Variants in HS6ST2 observed in about 807,000 individuals in gnomAD.
HS6ST2 encodes the protein heparan-sulfate 6-O-sulfotransferase 2.
A neutral mutation model predicts 33.0 loss-of-function variants in HS6ST2; 17 were observed. The ratio of observed to expected loss-of-function variants is 0.52; its 90% CI spans 0.35 to 0.77. The LOEUF (loss-of-function observed/expected upper bound fraction) is 0.77. HS6ST2 is among the 30% of genes least tolerant of loss of function. HS6ST2 has a pLI of 0.01. For synonymous variants in HS6ST2, 248 were observed against 237.1 expected, an observed-to-expected ratio of 1.05 and a Z score of -0.42; for missense variants, 519 against 551.7, an observed-to-expected ratio of 0.94 and a Z score of 0.59.
intron 2 of HS6ST2, among the ~76,000 whole-genome samples, chrX:132,831,624 G>A (rs1002101770): frequency 8.9e-6 from 1 of 111,779 alleles, no homozygotes; most frequent in African/African-American, 3.3e-5. Flanking sequence ...GTACCCGACA[G>A]CTGTACTTAA....
At chrX:132,703,352 G>T (rs1462174791) in intron 3 of HS6ST2, among the ~76,000 whole-genome samples, 1 of 113,071 alleles carries the variant, frequency 8.8e-6, no homozygotes, top group Non-Finnish European at 1.9e-5. Flanking sequence ...AATTTCTGAA[G>T]GGGAGAATGG....
chrX:132,904,439 G>T (rs1454234456), intron 2 of HS6ST2, among the ~76,000 whole-genome samples: 1 of 111,273 alleles, frequency 9.0e-6, no homozygotes, highest in Non-Finnish European at 1.9e-5. Flanking sequence ...CAGTTATGAG[G>T]TCATTCCTGG....
rs981849256 is a variant in HS6ST2 at position 132,832,452 on chromosome X, T to C, written c.948-123958A>G. Among the ~76,000 whole-genome samples the C allele has an allele frequency of 8.9e-5, 10 of 112,020 alleles. No individual in the cohort carries two copies. The Admixed American group carries it at 9.5e-4, about 11-fold the overall frequency. On this transcript the variant is annotated intron_variant, in intron 2 of 4. Transcript: ENST00000370833. ...AAAATATTAATGAAAAGGTTAAGTA[T>C]TGATATTTAATCCAGAGTACACGGG...
intron 2 of HS6ST2, among the ~76,000 whole-genome samples, chrX:132,741,965 C>T (rs190915056): frequency 1.8e-5 from 2 of 112,134 alleles, no homozygotes; most frequent in East Asian, 2.8e-4. Context: ...GTACACAAAG[C>T]ATACAGCACA....
intron 2 of HS6ST2, among the ~76,000 whole-genome samples, chrX:132,820,710 T>C (rs1277794033): frequency 9.0e-6 from 1 of 111,082 alleles, no homozygotes; most frequent in Non-Finnish European, 1.9e-5. Flanking sequence ...TGGTAATTTA[T>C]AGGAATATTT....
At chrX:132,805,101 A>T (rs769068412) in intron 2 of HS6ST2, among the ~76,000 whole-genome samples, 6 of 111,242 alleles carry the variant, frequency 5.4e-5, no homozygotes, top group Non-Finnish European at 1.1e-4. Context: ...AGCCAGGACC[A>T]GCCCTGCAAA....
rs1017092443 is a variant in HS6ST2 at position 132,932,058 on chromosome X, C to T, written c.947+24750G>A. Among the ~76,000 whole-genome samples the T allele has an allele frequency of 1.7e-4, 19 of 109,070 alleles. No individual in the cohort carries two copies. The East Asian group carries it at 3.8e-3, about 22-fold the overall frequency. 94.7% of individuals were successfully genotyped at this position (109,070 alleles called of 115,157 possible). ...AAAATTAGCCGGGCGTGGTGGTGGG[C>T]GCCTGTAGTCCCAGCTACTCAGGAG... On this transcript the variant is annotated intron_variant, in intron 2 of 4. Coordinates refer to ENST00000370833, the MANE Select transcript of HS6ST2 (RefSeq NM_001394073.1).
intron 2 of HS6ST2, among the ~76,000 whole-genome samples, chrX:132,913,879 T>C (rs1365119466): frequency 1.8e-5 from 2 of 111,745 alleles, no homozygotes; most frequent in African/African-American, 3.2e-5. Flanking sequence ...TGATTTGGGA[T>C]TGGGGAATAT....
At chrX:132,806,821 A>G (rs1569493149) in intron 2 of HS6ST2, among the ~76,000 whole-genome samples, 1 of 109,951 alleles carries the variant, frequency 9.1e-6, no homozygotes. Flanking sequence ...CTAGAGGAAA[A>G]CTGTGTAGCA....
intron 2 of HS6ST2, among the ~76,000 whole-genome samples, chrX:132,871,708 T>G (rs781527738): frequency 9.4e-6 from 1 of 106,739 alleles, no homozygotes; most frequent in South Asian, 4.4e-4. Flanking sequence ...ATATTCTCAC[T>G]CATAAATGGG....
chrX:132,702,142 A>C (rs1275891110), intron 3 of HS6ST2, among the ~76,000 whole-genome samples: 2 of 112,466 alleles, frequency 1.8e-5, no homozygotes, highest in Non-Finnish European at 3.8e-5. Flanking sequence ...CATATTGAAA[A>C]GAGATTTTGG....
chrX:132,877,817 T>C (rs1423058896), intron 2 of HS6ST2, among the ~76,000 whole-genome samples: 1 of 110,448 alleles, frequency 9.1e-6, no homozygotes. Context: ...AGAGAGCAGA[T>C]GATGAAGCCC....
At chrX:132,635,547 T>C (rs778615810) in intron 4 of HS6ST2, among the ~76,000 whole-genome samples, 1 of 111,729 alleles carries the variant, frequency 9.0e-6, no homozygotes, top group Non-Finnish European at 1.9e-5. Context: ...CCTTCTCAAG[T>C]GAGCTCCCTC....
At chrX:132,757,445 ACT>A (rs1257172191) in intron 2 of HS6ST2, among the ~76,000 whole-genome samples, 1 of 111,248 alleles carries the variant, frequency 9.0e-6, no homozygotes, top group Non-Finnish European at 1.9e-5. Context: ...CTCTCTGGCC[ACT>A]CTCTGCCAGG....
intron 2 of HS6ST2, among the ~76,000 whole-genome samples, chrX:132,807,884 G>T (rs967157433): frequency 1.8e-5 from 2 of 112,039 alleles, no homozygotes; most frequent in Admixed American, 1.9e-4. Context: ...CCTCCAGAAG[G>T]CTGGGAGAAA....
chrX:132,898,749 G>A (rs758835491), intron 2 of HS6ST2, among the ~76,000 whole-genome samples: 1 of 110,401 alleles, frequency 9.1e-6, no homozygotes, highest in Non-Finnish European at 1.9e-5. Context: ...TCAGGGAAGA[G>A]GGAGGCCAAA....
chrX:132,903,145 G>A (rs183397564), intron 2 of HS6ST2, among the ~76,000 whole-genome samples: 90 of 111,824 alleles, frequency 8.0e-4, no homozygotes, highest in Non-Finnish European at 1.3e-3. Context: ...TATCTATATA[G>A]TAGCAATGGA....
chrX:132,745,503 G>A (rs768488295), intron 2 of HS6ST2, among the ~76,000 whole-genome samples: 2 of 112,272 alleles, frequency 1.8e-5, no homozygotes, highest in East Asian at 5.6e-4. Context: ...ATAAAGCATA[G>A]TGGGAAGAGA....
At chrX:132,870,947 CA>C (rs1296910808) in intron 2 of HS6ST2, among the ~76,000 whole-genome samples, 4 of 104,246 alleles carry the variant, frequency 3.8e-5, no homozygotes, top group Non-Finnish European at 4.0e-5. Context: ...CTGTGCACAG[CA>C]AAAAAAAAAC....
Sources: gnomAD v4.1 joint callset for allele counts (sites outside exome capture counted in the v4.1 genomes callset) on GRCh38, gnomAD v4.1.1 for gene constraint, MANE v1.5 for transcripts, NCBI Gene and HGNC (gene_info 2026-07-23, HGNC 2026-07-21) for gene names.